Variants in ARHGEF9 observed in about 807,000 individuals in gnomAD.
ARHGEF9 encodes the protein rho guanine nucleotide exchange factor 9.
A neutral mutation model predicts 41.3 loss-of-function variants in ARHGEF9; 2 were observed. The ratio of observed to expected loss-of-function variants is 0.05; its 90% CI spans 0.02 to 0.15. The LOEUF (loss-of-function observed/expected upper bound fraction) is 0.15. ARHGEF9 is among the 10% of genes least tolerant of loss of function. The pLI is 1.00. For synonymous variants in ARHGEF9, 160 were observed against 154.4 expected (o/e 1.04, Z -0.27); for missense variants, 225 against 424.7 (o/e 0.53, Z 4.13).
chrX:63,713,620 A>C (rs2053088471), intron 2 of ARHGEF9, among the ~76,000 whole-genome samples: 1 of 109,066 alleles, frequency 9.2e-6, no homozygotes, highest in African/African-American at 3.4e-5. Context: ...ACAGTGAAGC[A>C]ATGGTGAAGT....
chrX:63,785,210 G>A lies in ARHGEF9; in HGVS notation c.-65C>T, dbSNP rs1165529755. 4.5e-6 allele frequency: 5 copies of A among 1,114,008 alleles called. No homozygotes were observed. Among genetic ancestry groups the A allele is most frequent in the Non-Finnish European group, 6.0e-6 (5 of 830,712 alleles). 91.8% of individuals were successfully genotyped at this position (1,114,008 alleles called of 1,213,427 possible). ...GGCGCGAGTTGTCGCGGGCTGACTA[G>A]AAGGGCTGGGCTGAAGCAAGCGAGA... is the stretch of plus-strand genomic sequence containing the variant. On this transcript the variant is annotated 5_prime_UTR_variant, in exon 1 of 10. Transcript: ENST00000671741.
intron 1 of ARHGEF9, among the ~76,000 whole-genome samples, chrX:63,759,943 A>G (rs1373385072): frequency 1.8e-5 from 2 of 111,720 alleles, no homozygotes; most frequent in African/African-American, 3.3e-5. Context: ...ATAAATGCCA[A>G]TAAGTGACAC....
chrX:63,688,255 A>C (rs2051112097), intron 4 of ARHGEF9, among the ~76,000 whole-genome samples: 1 of 110,845 alleles, frequency 9.0e-6, no homozygotes, highest in South Asian at 3.9e-4. Flanking sequence ...CAACAAAAAA[A>C]CCTCCCATAC....
At position 63,682,471 on chromosome X, in the gene ARHGEF9, C is replaced by T. The variant is rs782058793; in HGVS notation, c.583-3899G>A. The stretch of plus-strand genomic sequence containing the variant: ...TGGAGCTTGCAGTGAGCCGACATTG[C>T]GCCACTGCACTCCAGCCTGGGTGAC... On this transcript the variant is annotated intron_variant, in intron 4 of 9. Coordinates refer to ENST00000671741, the MANE Select transcript of ARHGEF9 (RefSeq NM_001353921.2). Among the ~76,000 whole-genome samples, 20 of 108,831 alleles carry T rather than the reference C, an allele frequency of 1.8e-4. No homozygotes were observed. In the South Asian group the frequency reaches 7.2e-3, roughly 39 times the overall value. 94.5% of individuals were successfully genotyped at this position (108,831 alleles called of 115,157 possible).
chrX:63,671,644 C>G, intron 6 of ARHGEF9: 1 of 112,163 alleles, frequency 8.9e-6, no homozygotes, highest in Non-Finnish European at 1.9e-5. Flanking sequence ...GGAAATAAAC[C>G]TCTCTCTGCT....
intron 1 of ARHGEF9, among the ~76,000 whole-genome samples, chrX:63,775,780 A>G (rs2056283776): frequency 9.0e-6 from 1 of 111,457 alleles, no homozygotes; most frequent in Non-Finnish European, 1.9e-5. Flanking sequence ...ATGACACACA[A>G]TTTGCCCATA....
chrX:63,782,397 GAA>G (rs2056396489), intron 1 of ARHGEF9, among the ~76,000 whole-genome samples: 1 of 112,242 alleles, frequency 8.9e-6, no homozygotes, highest in Admixed American at 9.4e-5. Flanking sequence ...GTTACTCTGA[GAA>G]CAGTGTTCTT....
At chrX:63,710,483 A>G (rs1602510121) in intron 2 of ARHGEF9, among the ~76,000 whole-genome samples, 1 of 110,769 alleles carries the variant, frequency 9.0e-6, no homozygotes, top group East Asian at 2.8e-4. Context: ...TGCCCACCTT[A>G]CCAGATGCGA....
chrX:63,675,474 G>A (rs1356960676), intron 5 of ARHGEF9, among the ~76,000 whole-genome samples: 1 of 111,951 alleles, frequency 8.9e-6, no homozygotes, highest in Non-Finnish European at 1.9e-5. Flanking sequence ...CTGACTAGCA[G>A]TATGGCCTTT....
At chrX:63,724,430 G>C in intron 2 of ARHGEF9, 102 bp downstream of exon 2, 1 of 951,960 alleles carries the variant, frequency 1.1e-6, no homozygotes, top group Non-Finnish European at 1.4e-6. Flanking sequence ...TATGAGAAAA[G>C]CCACCAGGAG....
intron 2 of ARHGEF9, among the ~76,000 whole-genome samples, chrX:63,720,934 A>T (rs1556413398): frequency 8.9e-6 from 1 of 111,780 alleles, no homozygotes; most frequent in African/African-American, 3.3e-5. Context: ...TCTCCACTAT[A>T]TCCCACTCTA....
intron 1 of ARHGEF9, among the ~76,000 whole-genome samples, chrX:63,751,918 T>C (rs1241320330): frequency 9.1e-6 from 1 of 109,647 alleles, no homozygotes; most frequent in African/African-American, 3.3e-5. Flanking sequence ...GCCAAAGGTC[T>C]GTCAGGCTCA....
chrX:63,712,096 G>T (rs1431597219), intron 2 of ARHGEF9, among the ~76,000 whole-genome samples: 5 of 111,921 alleles, frequency 4.5e-5, no homozygotes, highest in Non-Finnish European at 7.5e-5. Flanking sequence ...TCCTAGAATG[G>T]CTGTAATAAT....
At chrX:63,722,410 GTT>G (rs782226432) in intron 2 of ARHGEF9, among the ~76,000 whole-genome samples, 5 of 89,349 alleles carry the variant, frequency 5.6e-5, no homozygotes, top group Admixed American at 1.2e-4. Flanking sequence ...GTTGTTTTTT[GTT>G]TTTTTTTTTT....
intron 4 of ARHGEF9, among the ~76,000 whole-genome samples, chrX:63,695,211 C>T (rs1448331182): frequency 4.5e-5 from 5 of 111,956 alleles, no homozygotes; most frequent in African/African-American, 1.6e-4. Context: ...TGTTAAACAT[C>T]CTACAATGTA....
intron 2 of ARHGEF9, among the ~76,000 whole-genome samples, chrX:63,723,993 TG>T (rs1287964814): frequency 8.9e-6 from 1 of 111,890 alleles, no homozygotes; most frequent in Non-Finnish European, 1.9e-5. Flanking sequence ...CTCTAGCGCC[TG>T]GGGGGCAGGG....
intron 4 of ARHGEF9, among the ~76,000 whole-genome samples, chrX:63,691,538 T>C (rs1336685876): frequency 1.8e-5 from 2 of 111,541 alleles, no homozygotes; most frequent in Non-Finnish European, 3.8e-5. Context: ...ATTAATATTG[T>C]TAAAATGTAC....
At chrX:63,711,884 A>G (rs2052954567) in intron 2 of ARHGEF9, among the ~76,000 whole-genome samples, 2 of 112,746 alleles carry the variant, frequency 1.8e-5, no homozygotes, top group African/African-American at 6.4e-5. Flanking sequence ...TGCATATCAT[A>G]TATCTGATAA....
At chrX:63,707,054 C>T (rs782631335) in intron 2 of ARHGEF9, among the ~76,000 whole-genome samples, 9 of 111,857 alleles carry the variant, frequency 8.0e-5, no homozygotes, top group Non-Finnish European at 1.7e-4. Flanking sequence ...GTATTCAGCC[C>T]TGCTAGATAG....
Sources: allele counts gnomAD v4.1 joint callset (sites outside exome capture counted in the v4.1 genomes callset), GRCh38; gene constraint gnomAD v4.1.1; transcripts MANE v1.5; gene names NCBI Gene and HGNC (gene_info 2026-07-23, HGNC 2026-07-21).